The following PTPN14 variants were observed in gnomAD, a reference collection of about 807,000 sequenced individuals.
PTPN14 encodes protein tyrosine phosphatase non-receptor type 14.
A neutral mutation model predicts 126.8 loss-of-function variants in PTPN14; 53 were observed. The observed-to-expected ratio is 0.42, with a 90% CI of 0.34 to 0.53. The LOEUF is 0.53. Among genes scored for constraint, PTPN14 ranks in the 20% least tolerant of loss-of-function variants. The pLI is 0.08. For missense variants in PTPN14, 1,257 were observed against 1,552.9 expected (o/e 0.81, Z 3.20); for synonymous variants, 630 against 599.3 (o/e 1.05, Z -0.75).
At chr1:214,415,096 C>T (rs568436586) in intron 3 of PTPN14, among the ~76,000 whole-genome samples, 4 of 152,308 alleles carry the variant, frequency 2.6e-5, no homozygotes, top group South Asian at 2.1e-4. Context: ...CAACAGTGTG[C>T]GTTCCTGAAT....
In PTPN14 at chr1:214,440,407, T is replaced by C. The variant is rs142964138; in HGVS notation, c.344+11398A>G. ...TATAAGACGCTTGGTACTCTTTCTA[T>C]GCATGAACCTTTTATGGGTAATCAG... On this transcript the variant is annotated intron_variant, in intron 3 of 18. Transcript: ENST00000366956. Among the ~76,000 whole-genome samples, 534 of 152,346 alleles carry C rather than the reference T, an allele frequency of 3.5e-3. 3 individuals are homozygous for C. Among genetic ancestry groups the C allele is most frequent in the African/African-American group, 0.012 (500 of 41,578 alleles).
rs1658531529 is a variant in PTPN14 at position 214,383,759 on chromosome 1, GAGA to G, written c.2093_2095del (p.Phe698del). The G allele has an allele frequency of 6.2e-7, 1 of 1,613,320 alleles. No homozygotes were observed. Among genetic ancestry groups the G allele is most frequent in the African/African-American group, 1.3e-5 (1 of 74,954 alleles). ...GCTGTGGATTAGCATAGTGGCATCA[GAGA>G]AGGTCTTCTTGTGGTGATACTGAGG... On this transcript the variant is annotated inframe_deletion, in exon 13 of 19. Coordinates refer to ENST00000366956, the MANE Select transcript of PTPN14 (RefSeq NM_005401.5). This position sits in a 1 kb window ranked among gnomAD's most constrained non-coding sequence, Gnocchi z 4.4.
At chr1:214,448,283 T>G (rs1025443456) in intron 3 of PTPN14, among the ~76,000 whole-genome samples, 9 of 152,294 alleles carry the variant, frequency 5.9e-5, no homozygotes, top group East Asian at 1.9e-4. Flanking sequence ...CAGGCTGGAG[T>G]GCAGTGGCGC....
chr1:214,359,217 CTTT>C (rs1055472030), intron 18 of PTPN14, among the ~76,000 whole-genome samples: 2 of 141,094 alleles, frequency 1.4e-5, no homozygotes, highest in Non-Finnish European at 1.6e-5. Context: ...CACTTTTTTT[CTTT>C]TTTTTTTTTT....
intron 14 of PTPN14, among the ~76,000 whole-genome samples, chr1:214,377,126 G>A (rs1658360765): frequency 1.3e-5 from 2 of 152,174 alleles, no homozygotes; most frequent in African/African-American, 4.8e-5. Flanking sequence ...GCATTATCCA[G>A]ACAATTATAA....
At position 214,350,362 on chromosome 1, in the gene PTPN14, C is replaced by T. The variant is rs1657679140; in HGVS notation, c.*7560G>A. 6.6e-6 allele frequency: 1 copy of T among 152,102 alleles called. No individual in the cohort carries two copies. The highest frequency in any genetic ancestry group is 2.4e-5 in the African/African-American group (1 of 41,414). The allele number at this position is 152,102 out of a possible 1,614,324, so 9.4% of individuals were successfully genotyped here. A position where few individuals can be genotyped will look rare whatever the true frequency, so the allele number is the denominator to read the frequency against. Reference sequence around the variant, plus strand: ...CCTCTCTCAATCTATATAAGTTCACCTCGAAATACATATTAAGTACTGCTG... The same window carrying T: ...CCTCTCTCAATCTATATAAGTTCACTTCGAAATACATATTAAGTACTGCTG... On this transcript the variant is annotated 3_prime_UTR_variant, in exon 19 of 19. Coordinates refer to ENST00000366956, the MANE Select transcript of PTPN14 (RefSeq NM_005401.5).
At chr1:214,436,284 T>G (rs905393622) in intron 3 of PTPN14, among the ~76,000 whole-genome samples, 4 of 152,276 alleles carry the variant, frequency 2.6e-5, no homozygotes, top group Admixed American at 2.6e-4. Context: ...GAAAAACTAC[T>G]TATCAGGTGC....
At chr1:214,535,648 G>A (rs775495940) in intron 1 of PTPN14, among the ~76,000 whole-genome samples, 10 of 152,108 alleles carry the variant, frequency 6.6e-5, no homozygotes, top group South Asian at 2.1e-4. Flanking sequence ...GCCTGGTGGC[G>A]CATGCCGGTA....
At chr1:214,487,921 G>A (rs1360237779) in intron 1 of PTPN14, among the ~76,000 whole-genome samples, 2 of 152,166 alleles carry the variant, frequency 1.3e-5, no homozygotes, top group Non-Finnish European at 2.9e-5. Flanking sequence ...TTACAGGATC[G>A]CTTTCCTGGA....
At chr1:214,358,322 A>G (rs1216743904) in intron 18 of PTPN14, among the ~76,000 whole-genome samples, 2 of 152,232 alleles carry the variant, frequency 1.3e-5, no homozygotes, top group Admixed American at 6.5e-5. Context: ...GCTGGAGTAC[A>G]GTGGCACAGT....
intron 18 of PTPN14, among the ~76,000 whole-genome samples, chr1:214,359,803 G>A (rs752428507): frequency 2.3e-4 from 35 of 152,364 alleles, no homozygotes; most frequent in African/African-American, 7.0e-4. Context: ...TTATGGGCAT[G>A]AGCCACTGTG....
chr1:214,369,580 A>AT lies in PTPN14; in HGVS notation c.3147_3148insA (p.Cys1050MetfsTer27). ...ACCTTCAAGCCCGTGGTTGCATAGC[A>AT]AACAGAATCCGTTCGAAACTTCGTG... On this transcript the variant is annotated frameshift_variant, in exon 17 of 19. Coordinates refer to ENST00000366956, the MANE Select transcript of PTPN14 (RefSeq NM_005401.5). LOFTEE classifies it high-confidence loss of function. 6.2e-7 allele frequency: 1 copy of AT among 1,614,208 alleles called. No individual in the cohort carries two copies.
intron 12 of PTPN14, among the ~76,000 whole-genome samples, chr1:214,385,575 G>GCCCAACCTGAT (rs1571965193): frequency 1.3e-5 from 2 of 151,410 alleles, no homozygotes; most frequent in African/African-American, 2.4e-5. Flanking sequence ...CTACAATCAG[G>GCCCAACCTGAT]TGTCTGGTGT....
chr1:214,350,390 A>G lies in PTPN14; in HGVS notation c.*7532T>C, dbSNP rs1323235775. 1 of 152,212 alleles carries G rather than the reference A, an allele frequency of 6.6e-6. No individual in the cohort carries two copies. The highest frequency in any genetic ancestry group is 6.5e-5 in the Admixed American group (1 of 15,274). 9.4% of individuals were successfully genotyped at this position (152,212 alleles called of 1,614,324 possible). A position where few individuals can be genotyped will look rare whatever the true frequency, so the allele number is the denominator to read the frequency against. On this transcript the variant is annotated 3_prime_UTR_variant, in exon 19 of 19. Transcript: ENST00000366956. ...GAAATACATATTAAGTACTGCTGTC[A>G]TCATTGTTTTAAACAGAGCGTCTTT...
chr1:214,471,227 C>T lies in PTPN14; in HGVS notation c.-154-6270G>A, dbSNP rs186214429. Among the ~76,000 whole-genome samples the T allele has an allele frequency of 3.0e-3, 459 of 151,916 alleles. 7 individuals are homozygous for T. The highest frequency in any genetic ancestry group is 0.02 in the East Asian group (104 of 5,164). ...TTGTCTCAGTAAAGCAACTGGAAAC[C>T]GAAAACTAAAGACTAAAGAAAGGGA... On this transcript the variant is annotated intron_variant, in intron 1 of 18. Coordinates refer to ENST00000366956, the MANE Select transcript of PTPN14 (RefSeq NM_005401.5).
At chr1:214,525,427 G>A (rs77826178) in intron 1 of PTPN14, among the ~76,000 whole-genome samples, 2,189 of 152,236 alleles carry the variant, frequency 0.014, 16 homozygotes, top group South Asian at 0.026. Flanking sequence ...TCATGGGAAG[G>A]GTCAGCTGCG....
intron 1 of PTPN14, among the ~76,000 whole-genome samples, chr1:214,495,080 C>A (rs990467125): frequency 6.6e-6 from 1 of 152,178 alleles, no homozygotes; most frequent in Non-Finnish European, 1.5e-5. Flanking sequence ...AAGGGACACA[C>A]AGAGTTACTC....
chr1:214,540,691 T>C (rs867497696), intron 1 of PTPN14, among the ~76,000 whole-genome samples: 6 of 152,064 alleles, frequency 3.9e-5, no homozygotes, highest in Middle Eastern at 6.8e-3. Context: ...AGCTACTCCA[T>C]GGTGATGGGG....
intron 1 of PTPN14, among the ~76,000 whole-genome samples, chr1:214,523,081 A>G (rs781610610): frequency 2.6e-5 from 4 of 152,162 alleles, no homozygotes; most frequent in Non-Finnish European, 4.4e-5. Flanking sequence ...GTTATGGGAG[A>G]TTAATGTGCT....
Sources: gnomAD v4.1 joint callset for allele counts (sites outside exome capture counted in the v4.1 genomes callset) on GRCh38, gnomAD v4.1.1 for gene constraint, Gnocchi (gnomAD v3.1) non-coding constraint, MANE v1.5 for transcripts, NCBI Gene and HGNC (gene_info 2026-07-23, HGNC 2026-07-21) for gene names.